ARHGEF28: variants seen among roughly 807,000 people sequenced by gnomAD.
ARHGEF28 encodes the protein Rho guanine nucleotide exchange factor 28.
A neutral mutation model predicts 206.6 loss-of-function variants in ARHGEF28; 152 were observed. That is an observed-to-expected ratio of 0.74 (90% CI 0.64 to 0.84). The LOEUF (loss-of-function observed/expected upper bound fraction) is 0.84. Among genes scored for constraint, ARHGEF28 ranks in the 40% least tolerant of loss-of-function variants. The probability of loss-of-function intolerance (pLI) is 0.00; values close to 1 mark genes in which losing one functional copy is unlikely to be tolerated. For missense variants in ARHGEF28, 2,028 were observed against 2,073.2 expected (o/e 0.98, Z 0.42); for synonymous variants, 763 against 776.4 (o/e 0.98, Z 0.29).
At chr5:73,858,961 T>C (rs970085908) in intron 16 of ARHGEF28, among the ~76,000 whole-genome samples, 1 of 152,172 alleles carries the variant, frequency 6.6e-6, no homozygotes, top group African/African-American at 2.4e-5. Context: ...ATGGCAGTCA[T>C]GCTCCTGCCT....
At chr5:73,827,278 G>C (rs1397083016) in intron 9 of ARHGEF28, among the ~76,000 whole-genome samples, 4 of 152,164 alleles carry the variant, frequency 2.6e-5, no homozygotes, top group African/African-American at 9.7e-5. Flanking sequence ...GAAGCAAATG[G>C]AATGTTTTGT....
intron 7 of ARHGEF28, among the ~76,000 whole-genome samples, chr5:73,781,180 G>A (rs757676976): frequency 7.9e-5 from 12 of 152,230 alleles, no homozygotes; most frequent in Admixed American, 1.3e-4. Flanking sequence ...CACGAGGGTC[G>A]GGGGACACCA....
chr5:73,670,149 C>G (rs1156500310), intron 1 of ARHGEF28, among the ~76,000 whole-genome samples: 1 of 152,198 alleles, frequency 6.6e-6, no homozygotes, highest in Non-Finnish European at 1.5e-5. Flanking sequence ...TCCCTTCCCC[C>G]AGTGTGGTGT....
intron 1 of ARHGEF28, among the ~76,000 whole-genome samples, chr5:73,634,314 C>A (rs1475331354): frequency 6.6e-6 from 1 of 152,114 alleles, no homozygotes; most frequent in Non-Finnish European, 1.5e-5. Context: ...GGTTCTTAAT[C>A]CCCCATCTCC....
chr5:73,900,152 A>G (rs1762177735), intron 30 of ARHGEF28: 1 of 152,256 alleles, frequency 6.6e-6, no homozygotes, highest in Non-Finnish European at 1.5e-5. Flanking sequence ...ACTTCTTTGT[A>G]TTAGAAGAGG....
At chr5:73,662,303 T>G (rs1745660578) in intron 1 of ARHGEF28, among the ~76,000 whole-genome samples, 1 of 152,306 alleles carries the variant, frequency 6.6e-6, no homozygotes, top group South Asian at 2.1e-4. Context: ...GGGAGAGCCA[T>G]AGGAAATATG....
intron 4 of ARHGEF28, among the ~76,000 whole-genome samples, chr5:73,753,475 T>C (rs1752137529): frequency 6.6e-6 from 1 of 152,220 alleles, no homozygotes; most frequent in Non-Finnish European, 1.5e-5. Context: ...TCAGCTGCTC[T>C]GGGCTGTGGC....
chr5:73,776,583 AT>A lies in ARHGEF28; in HGVS notation c.729del (p.His244ThrfsTer6). On this transcript the variant is annotated frameshift_variant, in exon 6 of 36. Coordinates refer to ENST00000513042, the MANE Select transcript of ARHGEF28 (RefSeq NM_001177693.2). LOFTEE classifies it high-confidence loss of function. ...QLSEEASLHY[I>X]HSSETLTLTL... ...CAGTGAAGAAGCCTCCTTGCATTAC[AT>A]TCACTCATCGGAAACGCTGACCCTG... 1.2e-6 allele frequency: 2 copies of A among 1,613,964 alleles called. No homozygotes were observed. Among genetic ancestry groups the A allele is most frequent in the Non-Finnish European group, 1.7e-6 (2 of 1,179,854 alleles).
At chr5:73,701,052 G>T (rs1748567017) in intron 2 of ARHGEF28, among the ~76,000 whole-genome samples, 1 of 152,034 alleles carries the variant, frequency 6.6e-6, no homozygotes. Flanking sequence ...TCTTCATTAA[G>T]AATTTATTAA....
chr5:73,750,014 G>A, intron 3 of ARHGEF28, 30 bp downstream of exon 3: 1 of 1,608,170 alleles, frequency 6.2e-7, no homozygotes, highest in East Asian at 2.2e-5. Flanking sequence ...GTGCAGCTGG[G>A]AAATTAGTCT....
intron 9 of ARHGEF28, among the ~76,000 whole-genome samples, chr5:73,800,138 G>A (rs529148707): frequency 5.3e-5 from 8 of 152,128 alleles, no homozygotes; most frequent in Non-Finnish European, 4.4e-5. Flanking sequence ...TTAAATTTGG[G>A]TATATTTCCT....
chr5:73,693,798 GT>G (rs1391972664), intron 2 of ARHGEF28, among the ~76,000 whole-genome samples: 1 of 152,180 alleles, frequency 6.6e-6, no homozygotes, highest in African/African-American at 2.4e-5. Context: ...GCTGGCTTTT[GT>G]TTTCTACTAA....
intron 2 of ARHGEF28, among the ~76,000 whole-genome samples, chr5:73,735,124 A>G (rs905443328): frequency 6.6e-6 from 1 of 152,098 alleles, no homozygotes; most frequent in Non-Finnish European, 1.5e-5. Context: ...TCAATGAACA[A>G]TACTGAATAA....
rs780153440 is a variant in ARHGEF28, at chr5:73,873,072, A to G, written c.2640A>G (p.Lys880=). The change falls in exon 22 of 36, where the codon AAA becomes AAG. Residue 880 remains lysine (K), a synonymous_variant. Coordinates refer to ENST00000513042, the MANE Select transcript of ARHGEF28 (RefSeq NM_001177693.2). ...CTGAGATCTTCAGGAAAGGCATGAA[A>G]GAGGAGCTGCAGCTGGACCACAGCA... is the stretch of plus-strand genomic sequence containing the variant. ...IMSEIFRKGM[K]EELQLDHSTV... is the part of the protein sequence containing the mutation. The G allele has an allele frequency of 5.0e-6, 8 of 1,613,712 alleles. No homozygotes were observed. The highest frequency in any genetic ancestry group is 1.1e-5 in the South Asian group (1 of 91,018).
At chr5:73,684,731 A>G (rs1294518272) in intron 1 of ARHGEF28, 110 bp from the exon 2 acceptor site, 6 of 774,618 alleles carry the variant, frequency 7.7e-6, no homozygotes, top group South Asian at 2.2e-5. Context: ...CAGTTTTCCT[A>G]TCTAATGAGT....
intron 9 of ARHGEF28, 48 bp from the exon 10 acceptor site, chr5:73,832,290 A>G: frequency 6.3e-7 from 1 of 1,599,904 alleles, no homozygotes; most frequent in South Asian, 1.1e-5. Flanking sequence ...TGACTGTAAA[A>G]TAAGCCCCTT....
At chr5:73,676,069 C>CTTTT (rs70973270) in intron 1 of ARHGEF28, among the ~76,000 whole-genome samples, 8 of 115,140 alleles carry the variant, frequency 6.9e-5, no homozygotes, top group South Asian at 3.0e-4. Context: ...ATTTTCTTTT[C>CTTTT]TTTTTTTTTT....
At chr5:73,902,139 A>G (rs923022880) in intron 31 of ARHGEF28, 2 of 152,228 alleles carry the variant, frequency 1.3e-5, no homozygotes, top group African/African-American at 2.4e-5. Flanking sequence ...TGTATATTAC[A>G]TAAGACTGAG....
chr5:73,761,997 A>ATTTT (rs36121449), intron 4 of ARHGEF28, among the ~76,000 whole-genome samples: 2,944 of 137,950 alleles, frequency 0.021, 96 homozygotes, highest in African/African-American at 0.074. Context: ...CAACTGGGTA[A>ATTTT]TTTTTTTTTT....
Sources: allele counts gnomAD v4.1 joint callset (sites outside exome capture counted in the v4.1 genomes callset), GRCh38; gene constraint gnomAD v4.1.1; transcripts MANE v1.5; gene names NCBI Gene and HGNC (gene_info 2026-07-23, HGNC 2026-07-21).